The following LIMA1 variants were observed in gnomAD, a reference collection of about 807,000 sequenced individuals.
The protein encoded by LIMA1 is LIM domain and actin binding 1.
LIMA1 carries 52 observed loss-of-function variants against 62.6 expected under a neutral mutation model. The observed-to-expected ratio is 0.83, with a 90% CI of 0.67 to 1.05. The LOEUF (loss-of-function observed/expected upper bound fraction) is 1.05. Ranked by LOEUF, LIMA1 falls within the 50% of genes least tolerant of loss-of-function variation. The probability of loss-of-function intolerance (pLI) is 0.00; values close to 1 mark genes in which losing one functional copy is unlikely to be tolerated. For synonymous variants in LIMA1, 302 were observed against 317.8 expected (o/e 0.95, Z 0.53); for missense variants, 780 against 902.2 (o/e 0.86, Z 1.74).
chr12:50,264,326 G>T (rs1434090946), intron 1 of LIMA1, among the ~76,000 whole-genome samples: 1 of 152,146 alleles, frequency 6.6e-6, no homozygotes, highest in Non-Finnish European at 1.5e-5. Context: ...TATTAAAACC[G>T]CTGAACTGAG....
chr12:50,257,856 A>C (rs1205131930), intron 1 of LIMA1, among the ~76,000 whole-genome samples: 1 of 152,188 alleles, frequency 6.6e-6, no homozygotes, highest in Non-Finnish European at 1.5e-5. Flanking sequence ...GGCCCTCCAA[A>C]GTGCTAGGAT....
At chr12:50,280,142 G>GTTTTTTTT (rs1377385556) in intron 1 of LIMA1, among the ~76,000 whole-genome samples, 2 of 95,824 alleles carry the variant, frequency 2.1e-5, no homozygotes, top group African/African-American at 4.0e-5. Flanking sequence ...CAGGGTAGTA[G>GTTTTTTTT]TATTTTTTTT....
chr12:50,215,291 A>G (rs968117374), intron 4 of LIMA1, among the ~76,000 whole-genome samples: 1 of 152,152 alleles, frequency 6.6e-6, no homozygotes, highest in Non-Finnish European at 1.5e-5. Context: ...TTTTGATGCT[A>G]TCTATACATA....
chr12:50,280,931 C>T (rs143255047), intron 1 of LIMA1, among the ~76,000 whole-genome samples: 82 of 152,174 alleles, frequency 5.4e-4, no homozygotes, highest in Admixed American at 1.5e-3. Context: ...AAAACAATTG[C>T]CTTTTCTAAT....
chr12:50,243,995 A>G (rs1399968897), intron 2 of LIMA1, among the ~76,000 whole-genome samples: 2 of 151,648 alleles, frequency 1.3e-5, no homozygotes, highest in African/African-American at 4.8e-5. Flanking sequence ...GCTCACCACA[A>G]CCTCCGCCTC....
intron 9 of LIMA1, chr12:50,189,586 A>G (rs1318248776): frequency 6.6e-6 from 1 of 152,246 alleles, no homozygotes; most frequent in Non-Finnish European, 1.5e-5. Context: ...AAGCTAGTCA[A>G]TTAAAACAAG....
At position 50,248,637 on chromosome 12, in the gene LIMA1, A is replaced by C. The variant is rs768129333; in HGVS notation, c.115T>G (p.Ser39Ala). 2 of 1,599,352 alleles carry C rather than the reference A, an allele frequency of 1.3e-6. No homozygotes were observed. The highest frequency in any genetic ancestry group is 2.2e-5 in the South Asian group (2 of 90,738). ...NKSSAIVEIF[S>A]KYQKAAEETN... ...TGGACCAGGATCAGCACTTACTTGG[A>C]GAATATTTCCACAATAGCCGATGAC... The change falls in exon 2 of 11, where the codon TCC becomes GCC. Residue 39 changes from serine to alanine, a missense_variant. By Grantham distance (99) the Ser-to-Ala change is moderately conservative (BLOSUM62 1). Coordinates refer to ENST00000341247, the MANE Select transcript of LIMA1 (RefSeq NM_016357.5).
intron 2 of LIMA1, among the ~76,000 whole-genome samples, chr12:50,239,942 C>T (rs1364542832): frequency 6.6e-6 from 1 of 151,786 alleles, no homozygotes; most frequent in South Asian, 2.1e-4. Context: ...TGCAGTGTGC[C>T]GTGATGGCGC....
intron 2 of LIMA1, among the ~76,000 whole-genome samples, chr12:50,235,476 G>T (rs1436715851): frequency 1.3e-5 from 2 of 151,868 alleles, no homozygotes; most frequent in South Asian, 4.1e-4. Flanking sequence ...AGTTTGCCAC[G>T]CTGGTCTCGA....
At chr12:50,251,726 A>C (rs966203069) in intron 1 of LIMA1, among the ~76,000 whole-genome samples, 4 of 152,158 alleles carry the variant, frequency 2.6e-5, no homozygotes, top group African/African-American at 9.7e-5. Flanking sequence ...TCCCAAGTCT[A>C]AGTCCGTGGT....
chr12:50,221,142 T>TA (rs573706934), intron 4 of LIMA1, among the ~76,000 whole-genome samples: 4 of 151,978 alleles, frequency 2.6e-5, no homozygotes, highest in Non-Finnish European at 2.9e-5. Flanking sequence ...ATATTTAGCT[T>TA]AAAAAAAATC....
At chr12:50,209,867 T>C (rs905976952) in intron 4 of LIMA1, among the ~76,000 whole-genome samples, 3 of 152,058 alleles carry the variant, frequency 2.0e-5, no homozygotes, top group Admixed American at 2.0e-4. Context: ...TTCACCATGT[T>C]GGTCAAGCTG....
chr12:50,224,452 A>G (rs1014723806), intron 3 of LIMA1: 9 of 152,192 alleles, frequency 5.9e-5, no homozygotes, highest in African/African-American at 2.2e-4. Context: ...GAATTACAGA[A>G]CAGCTCCAGA....
chr12:50,282,812 A>G (rs1250764132), intron 1 of LIMA1, among the ~76,000 whole-genome samples: 5 of 152,198 alleles, frequency 3.3e-5, no homozygotes. Flanking sequence ...TACAACTTCA[A>G]GCTTTAGTAT....
At position 50,177,355 on chromosome 12, in the gene LIMA1, C is replaced by T. The variant is rs765266381; in HGVS notation, c.1989G>A (p.Gly663=). ...WQNKESKGET[G]KRSKEGHSLE... The stretch of plus-strand genomic sequence containing the variant: ...AACTATGACCTTCCTTACTTCTCTT[C>T]CCTGTCTCTCCTTTAGATTCTTTGT... Residue 663 remains glycine, a synonymous_variant, in exon 11 of 11, where the codon GGG becomes GGA. Coordinates refer to ENST00000341247, the MANE Select transcript of LIMA1 (RefSeq NM_016357.5). 2.5e-6 allele frequency: 4 copies of T among 1,614,206 alleles called. No individual in the cohort carries two copies. Among genetic ancestry groups the T allele is most frequent in the Non-Finnish European group, 3.4e-6 (4 of 1,180,038 alleles).
At chr12:50,218,030 G>C (rs1209486762) in intron 4 of LIMA1, among the ~76,000 whole-genome samples, 1 of 148,466 alleles carries the variant, frequency 6.7e-6, no homozygotes, top group Non-Finnish European at 1.5e-5. Context: ...TCAGCCTCCC[G>C]AGTAGCTGGG....
intron 1 of LIMA1, among the ~76,000 whole-genome samples, chr12:50,279,705 T>C (rs955926298): frequency 6.6e-6 from 1 of 152,192 alleles, no homozygotes; most frequent in Non-Finnish European, 1.5e-5. Context: ...TGGTCAGTTA[T>C]TGCCAAGGGG....
At chr12:50,187,115 A>C (rs1362485818) in intron 9 of LIMA1, 2 of 152,212 alleles carry the variant, frequency 1.3e-5, no homozygotes, top group African/African-American at 4.8e-5. Flanking sequence ...CGTTTGAGGG[A>C]TATTACAGAC....
chr12:50,212,146 T>C (rs935123982), intron 4 of LIMA1, among the ~76,000 whole-genome samples: 2 of 152,192 alleles, frequency 1.3e-5, no homozygotes, highest in East Asian at 1.9e-4. Flanking sequence ...AAAACAGAAA[T>C]AAAGTAAGTT....
Sources: gnomAD v4.1 joint callset for allele counts (sites outside exome capture counted in the v4.1 genomes callset) on GRCh38, gnomAD v4.1.1 for gene constraint, MANE v1.5 for transcripts, NCBI Gene and HGNC (gene_info 2026-07-23, HGNC 2026-07-21) for gene names.